Variants in TDRD1 observed in about 807,000 individuals in gnomAD.
The protein encoded by TDRD1 is tudor domain containing 1, also known as tudor domain-containing protein 1.
Under a neutral mutation model 140.6 loss-of-function variants are expected in TDRD1, and 37 were observed. The ratio of observed to expected loss-of-function variants is 0.26; its 90% confidence interval spans 0.20 to 0.35. The LOEUF is 0.35. Among genes scored for constraint, TDRD1 ranks in the 10% least tolerant of loss-of-function variants. TDRD1 has a pLI of 1.00. For missense variants in TDRD1, 1,243 were observed against 1,393.0 expected (o/e 0.89, Z 1.71); for synonymous variants, 506 against 475.7 (o/e 1.06, Z -0.83).
At chr10:114,196,831 G>GTTTTTT (rs1301969120) in intron 3 of TDRD1, among the ~76,000 whole-genome samples, 14 of 57,134 alleles carry the variant, frequency 2.5e-4, no homozygotes, top group Admixed American at 3.6e-4. Flanking sequence ...GTTTCTAGCA[G>GTTTTTT]TCTTTTTTTT....
At chr10:114,204,004 TGAGG>T in intron 8 of TDRD1, 65 bp from the exon 9 acceptor site, 1 of 1,545,616 alleles carries the variant, frequency 6.5e-7, no homozygotes, top group Non-Finnish European at 8.7e-7. Context: ...ATAGATTGAT[TGAGG>T]GTTTTTTAAT....
chr10:114,231,016 G>A (rs1057244909), intron 25 of TDRD1, among the ~76,000 whole-genome samples: 6 of 152,300 alleles, frequency 3.9e-5, no homozygotes, highest in African/African-American at 9.6e-5. Flanking sequence ...GCAGTGAGCC[G>A]AGATGGCACC....
upstream of TDRD1, among the ~76,000 whole-genome samples, chr10:114,178,777 T>C (rs1171177792): frequency 6.7e-6 from 1 of 150,146 alleles, no homozygotes; most frequent in Non-Finnish European, 1.5e-5. Flanking sequence ...GCTGCAGATG[T>C]AGACAAGATT....
chr10:114,177,675 T>G (rs992721444), upstream of TDRD1, among the ~76,000 whole-genome samples: 1 of 152,122 alleles, frequency 6.6e-6, no homozygotes, highest in Non-Finnish European at 1.5e-5. Context: ...ACGAAGGAAA[T>G]CAAAAAGATG....
chr10:114,218,819 G>A (rs2035966150), intron 18 of TDRD1, among the ~76,000 whole-genome samples: 2 of 152,178 alleles, frequency 1.3e-5, no homozygotes, highest in African/African-American at 4.8e-5. Context: ...GGAAGGCATT[G>A]GCAGGATTCC....
At chr10:114,204,138 T>C in exon 9 of TDRD1, 1 of 1,603,044 alleles carries the variant, frequency 6.2e-7, no homozygotes, top group Non-Finnish European at 8.5e-7. Context: ...TCTTATATAT[T>C]GATTATGGAA....
At chr10:114,192,028 T>A (rs1036150069) in intron 3 of TDRD1, among the ~76,000 whole-genome samples, 2 of 151,812 alleles carry the variant, frequency 1.3e-5, no homozygotes, top group Non-Finnish European at 2.9e-5. Flanking sequence ...TGGTGAAATA[T>A]TTTCATGTCT....
chr10:114,186,218 G>A (rs569728166), intron 1 of TDRD1, among the ~76,000 whole-genome samples: 4 of 152,132 alleles, frequency 2.6e-5, no homozygotes, highest in Non-Finnish European at 5.9e-5. Context: ...CTTATACAGA[G>A]TCTAGACTTT....
chr10:114,199,507 C>T (rs2034587379), intron 4 of TDRD1, among the ~76,000 whole-genome samples, 190 bp downstream of exon 4: 1 of 152,212 alleles, frequency 6.6e-6, no homozygotes, highest in African/African-American at 2.4e-5. Flanking sequence ...TTCCTGCTTC[C>T]TCAGCGGATT....
chr10:114,202,373 C>T (rs2034809647), intron 6 of TDRD1, 75 bp downstream of exon 6: 4 of 1,037,666 alleles, frequency 3.9e-6, no homozygotes, highest in Non-Finnish European at 5.4e-6. Flanking sequence ...ATATTTTAGG[C>T]TTATTTCTGT....
chr10:114,207,050 G>C (rs1004766099), intron 11 of TDRD1, among the ~76,000 whole-genome samples: 1 of 152,214 alleles, frequency 6.6e-6, no homozygotes, highest in Non-Finnish European at 1.5e-5. Context: ...TCCTGTAAAA[G>C]CTTGTGTGTG....
rs145176718 is a variant in TDRD1 at position 114,206,261 on chromosome 10, G to A, written c.1315G>A (p.Val439Met). ...CTTTTTAGGAAAACTTTTAGACCAT[G>A]TGCTTATAGAAATGGGATATGGCTT... Residue 439 changes from valine (V) to methionine (M), a missense_variant, in exon 11 of 26, where the codon GTG becomes ATG. Coordinates refer to ENST00000251864, the Ensembl canonical transcript of TDRD1. 1.1e-4 allele frequency: 173 copies of A among 1,613,448 alleles called. 1 individual carries two copies. The African/African-American group carries it at 2.1e-3, about 19-fold the overall frequency.
intron 1 of TDRD1, among the ~76,000 whole-genome samples, chr10:114,186,543 G>A (rs2033545730): frequency 6.6e-6 from 1 of 152,186 alleles, no homozygotes; most frequent in Non-Finnish European, 1.5e-5. Flanking sequence ...GGGATTACAG[G>A]TGTGAGCCAC....
At chr10:114,231,221 C>G (rs974281984) in intron 25 of TDRD1, among the ~76,000 whole-genome samples, 1 of 152,118 alleles carries the variant, frequency 6.6e-6, no homozygotes, top group Non-Finnish European at 1.5e-5. Flanking sequence ...TTTCAACACA[C>G]AAGTTAATGT....
intron 25 of TDRD1, chr10:114,228,805 TG>T (rs2036586992): frequency 3.0e-6 from 3 of 984,898 alleles, no homozygotes; most frequent in Non-Finnish European, 2.4e-6. Context: ...TGATCAGGGC[TG>T]GGGGTGGTGG....
intron 21 of TDRD1, among the ~76,000 whole-genome samples, chr10:114,225,558 TAA>T (rs71303583): frequency 0.017 from 2,557 of 146,850 alleles, 54 homozygotes; most frequent in African/African-American, 0.057. Context: ...TCTACGCATT[TAA>T]AAAAAAAAAA....
chr10:114,203,460 A>G (rs142068815), exon 8 of TDRD1: 51 of 1,613,934 alleles, frequency 3.2e-5, no homozygotes, highest in Non-Finnish European at 4.3e-5. Flanking sequence ...TTTAGAATAC[A>G]TGAACCAACT....
intron 23 of TDRD1, 127 bp downstream of exon 23, chr10:114,227,426 G>A: frequency 1.4e-6 from 1 of 735,278 alleles, no homozygotes; most frequent in Non-Finnish European, 2.3e-6. Context: ...CAAATCCAGT[G>A]GCAGGGTTCT....
chr10:114,178,510 A>G (rs887606547), upstream of TDRD1, among the ~76,000 whole-genome samples: 1 of 152,228 alleles, frequency 6.6e-6, no homozygotes, highest in Non-Finnish European at 1.5e-5. Flanking sequence ...TAGATCTCTG[A>G]AAGTATCTTT....
Sources: gnomAD v4.1 joint callset for allele counts (sites outside exome capture counted in the v4.1 genomes callset) on GRCh38, gnomAD v4.1.1 for gene constraint, MANE v1.5 for transcripts, NCBI Gene and HGNC (gene_info 2026-07-23, HGNC 2026-07-21) for gene names.